ANO10: variants seen among roughly 807,000 people sequenced by gnomAD.
ANO10 encodes anoctamin-10.
In ANO10, 77 loss-of-function variants were observed where a neutral mutation model predicts 74.7. The ratio of observed to expected loss-of-function variants is 1.03; its 90% CI spans 0.86 to 1.25. ANO10 has a LOEUF of 1.25. ANO10 is among the 50% of genes most tolerant of loss of function. The probability of loss-of-function intolerance (pLI) is 0.00; values close to 1 mark genes in which losing one functional copy is unlikely to be tolerated. For synonymous variants in ANO10, 279 were observed against 284.9 expected (o/e 0.98, Z 0.21); for missense variants, 721 against 778.1 (o/e 0.93, Z 0.87).
chr3:43,514,865 A>AAT (rs1450753312), intron 11 of ANO10, among the ~76,000 whole-genome samples: 2 of 152,352 alleles, frequency 1.3e-5, no homozygotes, highest in South Asian at 4.1e-4. Flanking sequence ...CATACTTCTA[A>AAT]ATAACACATG....
intron 11 of ANO10, among the ~76,000 whole-genome samples, chr3:43,440,354 T>C (rs1224755845): frequency 1.3e-5 from 2 of 152,076 alleles, no homozygotes; most frequent in African/African-American, 4.8e-5. Context: ...GGAAAAATGC[T>C]CATTTTCATT....
chr3:43,597,325 T>C (rs951298871), intron 4 of ANO10, among the ~76,000 whole-genome samples: 1 of 152,176 alleles, frequency 6.6e-6, no homozygotes, highest in South Asian at 2.1e-4. Flanking sequence ...ATGTTTATTG[T>C]GGCACTATTC....
chr3:43,403,994 GAA>G (rs1174209175), intron 12 of ANO10, among the ~76,000 whole-genome samples: 1 of 152,170 alleles, frequency 6.6e-6, no homozygotes, highest in African/African-American at 2.4e-5. Context: ...ACAGCATGTA[GAA>G]AAGAGGATGG....
At chr3:43,594,463 A>G (rs1419212002) in intron 4 of ANO10, among the ~76,000 whole-genome samples, 1 of 152,234 alleles carries the variant, frequency 6.6e-6, no homozygotes. Context: ...AAACTCACTC[A>G]GAACTGCTCA....
At chr3:43,565,546 A>T in intron 8 of ANO10, 107 bp downstream of exon 8, 1 of 952,412 alleles carries the variant, frequency 1.0e-6, no homozygotes, top group Non-Finnish European at 1.6e-6. Context: ...TACAAAATTT[A>T]AAAGATTTTA....
intron 11 of ANO10, among the ~76,000 whole-genome samples, chr3:43,538,773 G>A (rs1432728595): frequency 3.9e-5 from 6 of 152,162 alleles, no homozygotes; most frequent in Admixed American, 2.0e-4. Context: ...TACACACACA[G>A]GGGCAGGTGC....
chr3:43,401,349 G>C (rs1176053797), intron 12 of ANO10, among the ~76,000 whole-genome samples: 1 of 152,148 alleles, frequency 6.6e-6, no homozygotes, highest in African/African-American at 2.4e-5. Flanking sequence ...TTCCCTTGCA[G>C]GCTGAAGTTC....
intron 3 of ANO10, 130 bp from the exon 4 acceptor site, chr3:43,598,796 G>A (rs1279739901): frequency 1.9e-5 from 14 of 739,682 alleles, no homozygotes; most frequent in East Asian, 5.8e-5. Context: ...GTATGAAGCT[G>A]GTAAATTAAA....
rs1463358413 is a variant in ANO10 at position 43,388,973 on chromosome 3, C to T, written c.1915-21999G>A. Among the ~76,000 whole-genome samples the T allele has an allele frequency of 3.9e-5, 6 of 152,348 alleles. No homozygotes were observed. The East Asian group carries it at 7.7e-4, about 20-fold the overall frequency. On this transcript the variant is annotated intron_variant, in intron 12 of 12. Transcript: ENST00000292246. ...TCTTTCTCTGTTCCCATCACACAAA[C>T]CTTTTCAGAAACTGGAAAGTTCTAT...
chr3:43,566,340 G>A (rs553647608), intron 7 of ANO10, among the ~76,000 whole-genome samples: 2,088 of 152,318 alleles, frequency 0.014, 21 homozygotes, highest in South Asian at 0.024. Context: ...CACCACAGCT[G>A]AAGGAGGCCT....
intron 1 of ANO10, among the ~76,000 whole-genome samples, chr3:43,646,235 T>C (rs1302827003): frequency 6.6e-6 from 1 of 152,242 alleles, no homozygotes; most frequent in African/African-American, 2.4e-5. Flanking sequence ...GTTGTTTTAC[T>C]CTGATACAAT....
intron 4 of ANO10, among the ~76,000 whole-genome samples, chr3:43,596,293 C>T (rs1270144797): frequency 6.6e-6 from 1 of 152,180 alleles, no homozygotes; most frequent in East Asian, 1.9e-4. Flanking sequence ...AAAAAAGAAC[C>T]CGCATTGCCA....
At chr3:43,558,374 G>A (rs934947763) in intron 9 of ANO10, among the ~76,000 whole-genome samples, 8 of 152,124 alleles carry the variant, frequency 5.3e-5, no homozygotes, top group African/African-American at 1.2e-4. Flanking sequence ...TTGGATATGA[G>A]TGGGCAGTTC....
chr3:43,598,713 A>G, intron 3 of ANO10, 47 bp from the exon 4 acceptor site: 1 of 1,433,882 alleles, frequency 7.0e-7, no homozygotes, highest in Non-Finnish European at 9.6e-7. Flanking sequence ...ATCAAAATAA[A>G]AATATTCCAA....
At chr3:43,447,787 CT>C in intron 11 of ANO10, among the ~76,000 whole-genome samples, 1 of 152,138 alleles carries the variant, frequency 6.6e-6, no homozygotes, top group East Asian at 1.9e-4. Flanking sequence ...CCAGTTTCCC[CT>C]ATTATTAAGG....
chr3:43,460,915 G>T (rs191127456), intron 11 of ANO10, among the ~76,000 whole-genome samples: 238 of 151,518 alleles, frequency 1.6e-3, no homozygotes, highest in African/African-American at 5.5e-3. Context: ...CCATATGATT[G>T]TCAAAATGAA....
chr3:43,602,735 C>T (rs2082393408), intron 2 of ANO10, among the ~76,000 whole-genome samples: 1 of 152,108 alleles, frequency 6.6e-6, no homozygotes, highest in Non-Finnish European at 1.5e-5. Flanking sequence ...TTCATGTTTA[C>T]GAAAGAGGCT....
chr3:43,661,150 A>G (rs1332487519), intron 1 of ANO10, among the ~76,000 whole-genome samples: 1 of 152,214 alleles, frequency 6.6e-6, no homozygotes. Flanking sequence ...AAGAACAGTC[A>G]GAGAGAAAGA....
intron 6 of ANO10, among the ~76,000 whole-genome samples, chr3:43,575,297 C>T (rs2080943144): frequency 6.6e-6 from 1 of 152,202 alleles, no homozygotes; most frequent in South Asian, 2.1e-4. Flanking sequence ...ACTCAAATTT[C>T]TATCTTCACC....
Sources: allele counts gnomAD v4.1 joint callset (sites outside exome capture counted in the v4.1 genomes callset), GRCh38; gene constraint gnomAD v4.1.1; transcripts MANE v1.5; gene names NCBI Gene and HGNC (gene_info 2026-07-23, HGNC 2026-07-21).